Variants in SPEF2 observed in about 807,000 individuals in gnomAD.
SPEF2 encodes sperm flagellar and cilia associated 2.
SPEF2 carries 187 observed loss-of-function variants against 224.6 expected under a neutral mutation model. That is an observed-to-expected ratio of 0.83 (90% CI 0.74 to 0.94). The LOEUF is 0.94. SPEF2 is among the 40% of genes least tolerant of loss of function. The pLI is 0.00. For missense variants in SPEF2, 2,170 were observed against 2,135.6 expected (o/e 1.02, Z -0.32); for synonymous variants, 715 against 707.3 (o/e 1.01, Z -0.17).
intron 33 of SPEF2, among the ~76,000 whole-genome samples, chr5:35,798,121 C>G (rs1756935399): frequency 6.6e-6 from 1 of 152,166 alleles, no homozygotes; most frequent in African/African-American, 2.4e-5. Flanking sequence ...TCAGCTTCAC[C>G]TAGATGACTG....
chr5:35,783,023 A>G (rs1754561616), intron 30 of SPEF2, among the ~76,000 whole-genome samples: 1 of 152,236 alleles, frequency 6.6e-6, no homozygotes, highest in South Asian at 2.1e-4. Flanking sequence ...GCCACTTAAC[A>G]AAGATCCATA....
intron 8 of SPEF2, among the ~76,000 whole-genome samples, chr5:35,663,883 T>C (rs7717770): frequency 0.61 from 92,003 of 151,942 alleles, 28,547 homozygotes; most frequent in East Asian, 0.73. Flanking sequence ...GCAGCCAACA[T>C]GCTACCCTCA....
intron 9 of SPEF2, among the ~76,000 whole-genome samples, chr5:35,669,045 G>A (rs1750888054): frequency 6.6e-6 from 1 of 151,910 alleles, no homozygotes; most frequent in African/African-American, 2.4e-5. Flanking sequence ...ACGTTGTTAG[G>A]TCTGTAGCCG....
chr5:35,768,656 T>C (rs1047989957), intron 26 of SPEF2, among the ~76,000 whole-genome samples: 1 of 152,166 alleles, frequency 6.6e-6, no homozygotes, highest in East Asian at 1.9e-4. Flanking sequence ...TTGTACCCTT[T>C]TCCTTGTGGA....
intron 2 of SPEF2, among the ~76,000 whole-genome samples, chr5:35,637,084 CT>C (rs918019735): frequency 7.2e-5 from 11 of 151,796 alleles, no homozygotes; most frequent in Non-Finnish European, 1.5e-4. Context: ...TGCTAAACTG[CT>C]GGTTTTTATA....
chr5:35,649,749 A>C (rs566982354), intron 6 of SPEF2, among the ~76,000 whole-genome samples: 3 of 152,242 alleles, frequency 2.0e-5, no homozygotes, highest in Non-Finnish European at 2.9e-5. Flanking sequence ...AATTTGTCAC[A>C]GTAAATCCTT....
chr5:35,684,779 A>G (rs1448938258), intron 10 of SPEF2, among the ~76,000 whole-genome samples: 1 of 152,220 alleles, frequency 6.6e-6, no homozygotes, highest in Non-Finnish European at 1.5e-5. Context: ...ATTTAAGCCT[A>G]AGACTGTTGC....
intron 30 of SPEF2, chr5:35,787,781 G>A: frequency 1.9e-6 from 1 of 520,558 alleles, no homozygotes; most frequent in Non-Finnish European, 3.4e-6. Context: ...AAAAACTAGT[G>A]AGCAAATGTA....
At chr5:35,706,161 A>G (rs2149580643) in intron 18 of SPEF2, among the ~76,000 whole-genome samples, 1 of 152,064 alleles carries the variant, frequency 6.6e-6, no homozygotes, top group South Asian at 2.1e-4. Context: ...TTAAGTAAAA[A>G]ATAATGAACA....
chr5:35,722,464 TG>T (rs1554041780), intron 20 of SPEF2, among the ~76,000 whole-genome samples: 1 of 128,476 alleles, frequency 7.8e-6, no homozygotes, highest in Non-Finnish European at 1.7e-5. Flanking sequence ...GGTTTTTTTT[TG>T]TTTTTTTTTT....
intron 8 of SPEF2, among the ~76,000 whole-genome samples, chr5:35,660,867 C>T (rs1041116777): frequency 7.2e-5 from 11 of 152,166 alleles, no homozygotes; most frequent in East Asian, 3.9e-4. Context: ...TTCAGAGGAC[C>T]GGAACAGTTG....
chr5:35,790,270 GGAAAGC>G, intron 30 of SPEF2: 1 of 626,592 alleles, frequency 1.6e-6, no homozygotes, highest in Non-Finnish European at 2.9e-6. Context: ...TTTGACCCTA[GGAAAGC>G]TATCCATTTA....
intron 4 of SPEF2, 136 bp downstream of exon 4, chr5:35,644,661 A>C: frequency 3.6e-6 from 2 of 550,424 alleles, no homozygotes; most frequent in East Asian, 3.4e-5. Context: ...GTCCTGCCCT[A>C]CTCTCACCCT....
chr5:35,683,250 T>G (rs1753091032), intron 10 of SPEF2, among the ~76,000 whole-genome samples: 1 of 152,126 alleles, frequency 6.6e-6, no homozygotes, highest in African/African-American at 2.4e-5. Context: ...AAAGATGGGA[T>G]CCATAAAAAT....
At chr5:35,712,108 A>G (rs1561243282) in intron 19 of SPEF2, among the ~76,000 whole-genome samples, 1 of 152,198 alleles carries the variant, frequency 6.6e-6, no homozygotes, top group Non-Finnish European at 1.5e-5. Context: ...TTGTATTACA[A>G]TTACAGTCAA....
chr5:35,807,351 T>C, intron 36 of SPEF2, 98 bp downstream of exon 36: 2 of 1,488,808 alleles, frequency 1.3e-6, no homozygotes, highest in Non-Finnish European at 9.0e-7. Context: ...AGAAAGAAGC[T>C]GTACTCTGCC....
rs1267875746 is a variant in SPEF2 at position 35,740,247 on chromosome 5, G to T, written c.3310G>T (p.Glu1104Ter). Residue 1104 changes from glutamate to a stop codon, truncating the protein, a stop_gained, in exon 23 of 37, where the codon GAA becomes TAA. Coordinates refer to ENST00000356031, the MANE Select transcript of SPEF2 (RefSeq NM_024867.4). LOFTEE classifies it high-confidence loss of function. ...DLWDDEETKA[E>*]LHQRVNDLRD... ...GTGGGATGATGAGGAAACAAAGGCTGAACTACATCAACGAGTGAATGTAAG... is the reference window on the plus strand; with the variant it reads ...GTGGGATGATGAGGAAACAAAGGCTTAACTACATCAACGAGTGAATGTAAG... 6.2e-7 allele frequency: 1 copy of T among 1,613,958 alleles called. No homozygotes were observed. The highest frequency in any genetic ancestry group is 1.3e-5 in the African/African-American group (1 of 74,912).
intron 19 of SPEF2, chr5:35,710,602 T>C: frequency 1.0e-6 from 1 of 985,034 alleles, no homozygotes; most frequent in Non-Finnish European, 1.2e-6. Context: ...GTTTTCACAG[T>C]GGGTCAGGTG....
intron 2 of SPEF2, among the ~76,000 whole-genome samples, chr5:35,636,975 CAAAA>C (rs1168479903): frequency 1.7e-5 from 1 of 58,784 alleles, no homozygotes. Flanking sequence ...GACTCTGTCT[CAAAA>C]AAAAAAAAAA....
Sources: allele counts gnomAD v4.1 joint callset (sites outside exome capture counted in the v4.1 genomes callset), GRCh38; gene constraint gnomAD v4.1.1; transcripts MANE v1.5; gene names NCBI Gene and HGNC (gene_info 2026-07-23, HGNC 2026-07-21).